UBXN1: variants seen among roughly 807,000 people sequenced by gnomAD.
UBXN1 encodes UBX domain-containing protein 1.
Under a neutral mutation model 42.0 loss-of-function variants are expected in UBXN1, and 21 were observed. The ratio of observed to expected loss-of-function variants is 0.50; its 90% CI spans 0.35 to 0.72. The LOEUF is 0.72. UBXN1 is among the 30% of genes least tolerant of loss of function. UBXN1 has a pLI of 0.00. For synonymous variants in UBXN1, 172 were observed against 142.6 expected (o/e 1.21, Z -1.47); for missense variants, 374 against 382.2 (o/e 0.98, Z 0.18).
Position 62,676,542 on chromosome 11 carries a change from C to G in UBXN1, c.*48G>C, listed in dbSNP as rs1227073186. Reference sequence around the variant, plus strand: ...ATTTATTAGGAAGGAGATGTCAGTGCTTTATCAAAGATGAAGGGGTCACAG... The same window carrying G: ...ATTTATTAGGAAGGAGATGTCAGTGGTTTATCAAAGATGAAGGGGTCACAG... On this transcript the variant is annotated 3_prime_UTR_variant, in exon 9 of 9. Coordinates refer to ENST00000301935, the MANE Select transcript of UBXN1 (RefSeq NM_001286077.2). The G allele has an allele frequency of 5.8e-6, 9 of 1,544,534 alleles. No homozygotes were observed. Among genetic ancestry groups the G allele is most frequent in the Non-Finnish European group, 7.8e-6 (9 of 1,147,046 alleles).
rs1251613237 is a variant in UBXN1 at position 62,678,607 on chromosome 11, A to G, written c.114-6T>C. The G allele has an allele frequency of 6.2e-7, 1 of 1,612,524 alleles. No homozygotes were observed. The highest frequency in any genetic ancestry group is 1.7e-5 in the Admixed American group (1 of 59,898). On this transcript the variant is annotated splice_region_variant and splice_polypyrimidine_tract_variant and intron_variant, in intron 2 of 8. Coordinates refer to ENST00000301935, the MANE Select transcript of UBXN1 (RefSeq NM_001286077.2). Reference sequence around the variant, plus strand: ...CGTCTTCGTGCTCCATCAGCCTGGCAGGGAAAGTGGGCGGGGAGGTTAGCT... The same window carrying G: ...CGTCTTCGTGCTCCATCAGCCTGGCGGGGAAAGTGGGCGGGGAGGTTAGCT...
At position 62,678,689 on chromosome 11, in the gene UBXN1, C is replaced by G. The variant is rs1232300392; in HGVS notation, c.113+1G>C. The G allele has an allele frequency of 2.2e-6, 3 of 1,350,504 alleles. No individual in the cohort carries two copies. The allele number at this position is 1,350,504 out of a possible 1,614,324, so 83.7% of individuals were successfully genotyped here. A position where few individuals can be genotyped will look rare whatever the true frequency, so the allele number is the denominator to read the frequency against. On this transcript the variant is annotated splice_donor_variant, in intron 2 of 8. Transcript: ENST00000301935. LOFTEE classifies it high-confidence loss of function. ...CTCCGCCACCCGGGACGAGCGCTTACCAGTCCATCGCAGCCTCGATGCCCT... is the reference window on the plus strand; with the variant it reads ...CTCCGCCACCCGGGACGAGCGCTTAGCAGTCCATCGCAGCCTCGATGCCCT...
At position 62,679,044 on chromosome 11, in the gene UBXN1, T is replaced by C; in HGVS notation, c.-121A>G. Reference sequence around the variant, plus strand: ...ACGGGCGCTCGCTCTCTCACCCGGCTCTATAGCAGCCGGGAACACCGACGA... The same window carrying C: ...ACGGGCGCTCGCTCTCTCACCCGGCCCTATAGCAGCCGGGAACACCGACGA... On this transcript the variant is annotated 5_prime_UTR_variant, in exon 1 of 9. Transcript: ENST00000301935. 2.7e-6 allele frequency: 3 copies of C among 1,096,636 alleles called. No individual in the cohort carries two copies. The highest frequency in any genetic ancestry group is 5.2e-5 in the East Asian group (2 of 38,516). 67.9% of individuals were successfully genotyped at this position (1,096,636 alleles called of 1,614,324 possible). A position where few individuals can be genotyped will look rare whatever the true frequency, so the allele number is the denominator to read the frequency against.
chr11:62,678,814 C>A, intron 1 of UBXN1, 51 bp downstream of exon 1: 1 of 1,610,254 alleles, frequency 6.2e-7, no homozygotes, highest in Non-Finnish European at 8.5e-7. Flanking sequence ...AAGGCCGAGA[C>A]AGGTCCGCGA....
At position 62,678,332 on chromosome 11, in the gene UBXN1, A is replaced by ACTGTACCTCTTAGTTTGTTC. The variant is rs1945071614; in HGVS notation, c.277_290+6dup. 1 of 1,614,150 alleles carries ACTGTACCTCTTAGTTTGTTC rather than the reference A, an allele frequency of 6.2e-7. No homozygotes were observed. Among genetic ancestry groups the ACTGTACCTCTTAGTTTGTTC allele is most frequent in the South Asian group, 1.1e-5 (1 of 91,082 alleles). On this transcript the variant is annotated splice_region_variant and intron_variant, in intron 4 of 8. Transcript: ENST00000301935. ...CCCTCAGACACGTGAGATTGTTGTTACTGTACCTCTTAGTTTGTTCCTGTC... is the reference window on the plus strand; with the variant it reads ...CCCTCAGACACGTGAGATTGTTGTTACTGTACCTCTTAGTTTGTTCCTGTACCTCTTAGTTTGTTCCTGTC...
chr11:62,677,577 G>T lies in UBXN1; in HGVS notation c.592C>A (p.Pro198Thr), dbSNP rs1326660914. 1.2e-6 allele frequency: 2 copies of T among 1,614,088 alleles called. No individual in the cohort carries two copies. ...GGAGGCTCCTGGCTGGGAGAAGAGG[G>T]AACAGGACCTGGCTCTGGTGCCACT... ...PPVAPEPGPVPSSPSQEPPTK... is the reference protein window; with the variant it reads ...PPVAPEPGPVTSSPSQEPPTK... The change falls in exon 7 of 9, where the codon CCC (proline) becomes ACC (threonine). Residue 198 changes from proline (P) to threonine (T), a missense_variant. Coordinates refer to ENST00000301935, the MANE Select transcript of UBXN1 (RefSeq NM_001286077.2).
In UBXN1 at chr11:62,679,065, G is replaced by T; in HGVS notation, c.-142C>A. 1.1e-6 allele frequency: 1 copy of T among 908,524 alleles called. No homozygotes were observed. The highest frequency in any genetic ancestry group is 2.7e-5 in the East Asian group (1 of 37,694). 56.3% of individuals were successfully genotyped at this position (908,524 alleles called of 1,614,324 possible). ...CGGCTCTATAGCAGCCGGGAACACC[G>T]ACGAGAAGAAAGCCGAGGGGAAGCG... On this transcript the variant is annotated 5_prime_UTR_variant, in exon 1 of 9. Transcript: ENST00000301935.
rs766516775 is a variant in UBXN1, at chr11:62,677,995, T to C, written c.414A>G (p.Leu138=). Residue 138 remains leucine, a synonymous_variant, in exon 5 of 9, where the codon CTA becomes CTG. Transcript: ENST00000301935. ...GQELSAARQR[L]QEDEMRRAAE... ...CAGCCCGGCGCATCTCATCTTCCTG[T>C]AGCCGCTGTCGTGCTGCTGACAACT... is the stretch of plus-strand genomic sequence containing the variant. 1.2e-6 allele frequency: 2 copies of C among 1,614,158 alleles called. No homozygotes were observed. The highest frequency in any genetic ancestry group is 1.7e-6 in the Non-Finnish European group (2 of 1,180,028).
In UBXN1 at chr11:62,678,620, G is replaced by A; in HGVS notation, c.114-19C>T. 6.2e-7 allele frequency: 1 copy of A among 1,612,840 alleles called. No homozygotes were observed. The highest frequency in any genetic ancestry group is 1.3e-5 in the African/African-American group (1 of 75,054). ...CATCAGCCTGGCAGGGAAAGTGGGC[G>A]GGGAGGTTAGCTTTGAGGCTGCCCC... On this transcript the variant is annotated intron_variant, in intron 2 of 8. Transcript: ENST00000301935.
In UBXN1 at chr11:62,677,642, G is replaced by A. The variant is rs757301124; in HGVS notation, c.535-8C>T. 1 of 1,611,964 alleles carries A rather than the reference G, an allele frequency of 6.2e-7. No homozygotes were observed. The highest frequency in any genetic ancestry group is 1.1e-5 in the South Asian group (1 of 90,876). ...GCCCACACTGCCACCATACTAAAGG[G>A]CAAAGTAAAACAGTCAATCAGGTAC... On this transcript the variant is annotated splice_region_variant and splice_polypyrimidine_tract_variant and intron_variant, in intron 6 of 8. Transcript: ENST00000301935.
At chr11:62,678,827 C>G (rs1409859004) in intron 1 of UBXN1, 38 bp downstream of exon 1, 2 of 1,609,308 alleles carry the variant, frequency 1.2e-6, no homozygotes, top group African/African-American at 2.7e-5. Flanking sequence ...GTCCGCGACC[C>G]CCCACACCCG....
intron 4 of UBXN1, 99 bp downstream of exon 4, chr11:62,678,240 G>A: frequency 6.2e-7 from 1 of 1,605,046 alleles, no homozygotes; most frequent in Non-Finnish European, 8.5e-7. Context: ...AAAATGCCAA[G>A]AAAGAGGAAA....
rs373156057 is a variant in UBXN1, at chr11:62,676,906, G to A, written c.751C>T (p.Leu251=). Residue 251 remains leucine, a synonymous_variant, in exon 8 of 9, where the codon CTA becomes TTA. Coordinates refer to ENST00000301935, the MANE Select transcript of UBXN1 (RefSeq NM_001286077.2). ...LYVELHRGEE[L]GGGQDPVQLL... ...TGCACAGGGTCCTGGCCCCCACCTAGTTCCTCCCCACGGTGGAGCTCCACA... is the reference window on the plus strand; with the variant it reads ...TGCACAGGGTCCTGGCCCCCACCTAATTCCTCCCCACGGTGGAGCTCCACA... The A allele has an allele frequency of 7.4e-6, 12 of 1,613,892 alleles. No homozygotes were observed. The African/African-American group carries it at 1.5e-4, about 20-fold the overall frequency.
In UBXN1 at chr11:62,677,920, C is replaced by G. The variant is rs1945054698; in HGVS notation, c.482+7G>C. The G allele has an allele frequency of 1.2e-6, 2 of 1,613,942 alleles. No individual in the cohort carries two copies. The highest frequency in any genetic ancestry group is 1.1e-5 in the South Asian group (1 of 91,084). On this transcript the variant is annotated splice_region_variant and intron_variant, in intron 5 of 8. Coordinates refer to ENST00000301935, the MANE Select transcript of UBXN1 (RefSeq NM_001286077.2). ...CATCTGCTATCCATCATTTCCCCTG[C>G]CCAGACCTGGCTGCTAACTCCTCGG...
intron 2 of UBXN1, 40 bp downstream of exon 2, chr11:62,678,643 CCCTCCCG>C: frequency 6.3e-7 from 1 of 1,589,992 alleles, no homozygotes; most frequent in Non-Finnish European, 8.6e-7. Context: ...TTGAGGCTGC[CCCTCCCG>C]CCAGCCCCCA....
intron 7 of UBXN1, 179 bp from the exon 8 acceptor site, chr11:62,677,184 C>G: frequency 2.9e-6 from 2 of 682,680 alleles, no homozygotes; most frequent in Non-Finnish European, 4.8e-6. Context: ...ATGAGAGACT[C>G]CCAGCTCCCT....
At position 62,678,894 on chromosome 11, in the gene UBXN1, G is replaced by A. The variant is rs778697174; in HGVS notation, c.30C>T (p.Leu10=). 1.9e-6 allele frequency: 3 copies of A among 1,601,086 alleles called. No individual in the cohort carries two copies. The highest frequency in any genetic ancestry group is 8.5e-7 in the Non-Finnish European group (1 of 1,176,302). ...GTCCCCTGGGGAAGCCCATCTCGAT[G>A]AGACTCTCAAGAGCCGTCAGCTCCG... is the stretch of plus-strand genomic sequence containing the variant. MAELTALES[L]IEMGFPRGRA... is the part of the protein sequence containing the mutation. The change falls in exon 1 of 9, where the codon CTC becomes CTT. Residue 10 remains leucine (L), a synonymous_variant. Transcript: ENST00000301935.
intron 5 of UBXN1, 38 bp downstream of exon 5, chr11:62,677,889 C>G: frequency 6.2e-7 from 1 of 1,614,174 alleles, no homozygotes; most frequent in Non-Finnish European, 8.5e-7. Context: ...ATCTTGATTT[C>G]TTTCTCATCT....
Position 62,678,990 on chromosome 11 carries a change from G to A in UBXN1, c.-67C>T. ...GAGAAGGAGGGCGGGAAGGGTCAGC[G>A]CGAGGCAACCCGCCCTCGACACCCG... is the stretch of plus-strand genomic sequence containing the variant. On this transcript the variant is annotated 5_prime_UTR_variant, in exon 1 of 9. Coordinates refer to ENST00000301935, the MANE Select transcript of UBXN1 (RefSeq NM_001286077.2). 2 of 1,513,396 alleles carry A rather than the reference G, an allele frequency of 1.3e-6. No homozygotes were observed. Among genetic ancestry groups the A allele is most frequent in the Middle Eastern group, 2.3e-4 (1 of 4,280 alleles). 93.7% of individuals were successfully genotyped at this position (1,513,396 alleles called of 1,614,324 possible). A position where few individuals can be genotyped will look rare whatever the true frequency, so the allele number is the denominator to read the frequency against.
Sources: allele counts gnomAD v4.1 joint callset, GRCh38; gene constraint gnomAD v4.1.1; transcripts MANE v1.5; gene names NCBI Gene and HGNC (gene_info 2026-07-23, HGNC 2026-07-21).